Variants in BCL9 observed in about 807,000 individuals in gnomAD.
BCL9 encodes B-cell CLL/lymphoma 9 protein.
A neutral mutation model predicts 88.5 loss-of-function variants in BCL9; 25 were observed. The observed-to-expected ratio is 0.28, with a 90% CI of 0.21 to 0.39. BCL9 has a LOEUF of 0.39. Among genes scored for constraint, BCL9 ranks in the 10% least tolerant of loss-of-function variants. The pLI, the probability that BCL9 is intolerant of heterozygous loss-of-function variation, is 1.00. For missense variants in BCL9, 1,817 were observed against 1,877.8 expected (o/e 0.97, Z 0.60); for synonymous variants, 711 against 673.3 (o/e 1.06, Z -0.87).
At chr1:147,609,863 C>A (rs587675427) in intron 3 of BCL9, among the ~76,000 whole-genome samples, 1 of 152,292 alleles carries the variant, frequency 6.6e-6, no homozygotes, top group African/African-American at 2.4e-5. Flanking sequence ...AAACAAGGTT[C>A]TTGGCTTCTA....
chr1:147,608,620 G>A (rs1657849469), intron 3 of BCL9, among the ~76,000 whole-genome samples: 1 of 152,128 alleles, frequency 6.6e-6, no homozygotes, highest in Non-Finnish European at 1.5e-5. Context: ...ATTAAGTACT[G>A]GGCAAGTCCA....
At chr1:147,565,259 A>G (rs1489913735) in intron 1 of BCL9, among the ~76,000 whole-genome samples, 1 of 152,244 alleles carries the variant, frequency 6.6e-6, no homozygotes, top group African/African-American at 2.4e-5. Flanking sequence ...GAGAAAATGT[A>G]AGCTCAAAGA....
intron 1 of BCL9, chr1:147,600,070 G>A (rs1553201020): frequency 6.7e-6 from 1 of 150,096 alleles, no homozygotes; most frequent in Non-Finnish European, 1.5e-5. Flanking sequence ...TACCTTTCGT[G>A]GCGCGGTGCG....
At chr1:147,596,176 G>C (rs1343637093) in intron 1 of BCL9, among the ~76,000 whole-genome samples, 3 of 152,126 alleles carry the variant, frequency 2.0e-5, no homozygotes, top group Non-Finnish European at 4.4e-5. Flanking sequence ...GAGGAAAGGA[G>C]GTGGGAAAAT....
Position 147,619,010 on chromosome 1 carries a change from G to T in BCL9, c.855G>T (p.Leu285=), listed in dbSNP as rs782132445. ...DRESPGVENK[L]IPSVGSPASS... Reference sequence around the variant, plus strand: ...AGAGTCCTGGGGTAGAAAACAAACTGATTCCTTCTGTAGGAAGTCCTGCCA... The same window carrying T: ...AGAGTCCTGGGGTAGAAAACAAACTTATTCCTTCTGTAGGAAGTCCTGCCA... The change falls in exon 8 of 10, where the codon CTG becomes CTT. Residue 285 remains leucine, a synonymous_variant. Transcript: ENST00000234739. This position sits in a 1 kb window ranked among gnomAD's most constrained non-coding sequence, Gnocchi z 4.1. 2 of 1,610,184 alleles carry T rather than the reference G, an allele frequency of 1.2e-6. No homozygotes were observed. Among genetic ancestry groups the T allele is most frequent in the Non-Finnish European group, 1.7e-6 (2 of 1,177,958 alleles).
chr1:147,558,814 AATTG>A (rs1239954618), intron 1 of BCL9, among the ~76,000 whole-genome samples: 1 of 152,196 alleles, frequency 6.6e-6, no homozygotes, highest in Non-Finnish European at 1.5e-5. Context: ...AAGCATTCAA[AATTG>A]ATTGCGTGGC....
At chr1:147,569,269 C>A (rs1362003442) in intron 1 of BCL9, among the ~76,000 whole-genome samples, 2 of 151,804 alleles carry the variant, frequency 1.3e-5, no homozygotes, top group African/African-American at 4.8e-5. Context: ...GAAAAAGATT[C>A]TTTTTGGAGA....
chr1:147,553,380 C>G (rs1296469267), intron 1 of BCL9, among the ~76,000 whole-genome samples: 1 of 152,196 alleles, frequency 6.6e-6, no homozygotes, highest in Non-Finnish European at 1.5e-5. Flanking sequence ...TCTGCACGGT[C>G]TTTTTCAATT....
At chr1:147,554,293 A>G (rs587711338) in intron 1 of BCL9, among the ~76,000 whole-genome samples, 1 of 152,362 alleles carries the variant, frequency 6.6e-6, no homozygotes, top group African/African-American at 2.4e-5. Context: ...CCAGGGAAGA[A>G]CAACAGACAG....
At chr1:147,545,377 G>T (rs1203028753) in intron 1 of BCL9, among the ~76,000 whole-genome samples, 1 of 152,210 alleles carries the variant, frequency 6.6e-6, no homozygotes, top group Non-Finnish European at 1.5e-5. Flanking sequence ...CTCTTGGGGA[G>T]GCAGTCTGAG....
chr1:147,573,335 C>T (rs1655967000), intron 1 of BCL9, among the ~76,000 whole-genome samples: 1 of 152,160 alleles, frequency 6.6e-6, no homozygotes, highest in Non-Finnish European at 1.5e-5. Context: ...TGCCTGTAAT[C>T]CCAGCTACTC....
intron 6 of BCL9, 121 bp from the exon 7 acceptor site, chr1:147,615,681 TG>T: frequency 1.6e-6 from 1 of 606,824 alleles, no homozygotes. Flanking sequence ...TCAACATTTC[TG>T]GTGGTTCTTT....
chr1:147,620,625 C>T lies in BCL9; in HGVS notation c.2470C>T (p.Pro824Ser). The T allele has an allele frequency of 6.2e-7, 1 of 1,614,170 alleles. No homozygotes were observed. Among genetic ancestry groups the T allele is most frequent in the Non-Finnish European group, 8.5e-7 (1 of 1,180,030 alleles). ...TCATATGCCACCACTACCTCTCAAC[C>T]CTTCCAGTAACCCCACCAGCCTCAA... is the stretch of plus-strand genomic sequence containing the variant. Reference protein sequence around the residue: ...LSHMPPLPLNPSSNPTSLNTA... With the variant: ...LSHMPPLPLNSSSNPTSLNTA... The change falls in exon 8 of 10, where the codon CCT (proline) becomes TCT (serine). Residue 824 changes from proline (P) to serine (S), a missense_variant. This residue lies in a region of BCL9 where 1,228 missense variants were observed against 1,191.6 expected (regional missense o/e 1.03). Coordinates refer to ENST00000234739, the MANE Select transcript of BCL9 (RefSeq NM_004326.4).
chr1:147,620,843 G>C lies in BCL9; in HGVS notation c.2688G>C (p.Leu896=), dbSNP rs782296612. The C allele has an allele frequency of 7.4e-6, 12 of 1,614,148 alleles. No homozygotes were observed. The South Asian group carries it at 1.1e-4, about 15-fold the overall frequency. ...CTCCATCGCAGCTGGCAGGCATGCT[G>C]GCGGGCCCAGCTGCTGCTGCTTCCA... ...PQTPSQLAGM[L]AGPAAAASIK... The change falls in exon 8 of 10, where the codon CTG becomes CTC. Residue 896 remains leucine (L), a synonymous_variant. Transcript: ENST00000234739.
rs1454546931 is a variant in BCL9, at chr1:147,624,646, A to C, written c.3968A>C (p.Gln1323Pro). Residue 1323 changes from glutamine (Q) to proline (P), a missense_variant, in exon 10 of 10, where the codon CAA becomes CCA. Around this residue, in one of 2 missense-constraint regions of BCL9, gnomAD observed 589 missense variants for 686.2 expected, o/e 0.86. Coordinates refer to ENST00000234739, the MANE Select transcript of BCL9 (RefSeq NM_004326.4). This position sits in a 1 kb window ranked among gnomAD's most constrained non-coding sequence, Gnocchi z 4.4. ...CCCATGAGACCACCAGCCTTTCTCC[A>C]ACAAGGCATGATGGGACCTCACCAT... ...HNPMRPPAFL[Q>P]QGMMGPHHRM... The C allele has an allele frequency of 6.2e-7, 1 of 1,614,086 alleles. No homozygotes were observed. The highest frequency in any genetic ancestry group is 8.5e-7 in the Non-Finnish European group (1 of 1,180,034).
At chr1:147,603,228 A>G (rs1321215367) in intron 1 of BCL9, among the ~76,000 whole-genome samples, 2 of 152,196 alleles carry the variant, frequency 1.3e-5, no homozygotes, top group African/African-American at 2.4e-5. Flanking sequence ...TTTGTTTTAT[A>G]TTAGTTTTGA....
chr1:147,566,765 A>G (rs1016242552), intron 1 of BCL9, among the ~76,000 whole-genome samples: 6 of 794 alleles, frequency 7.6e-3, no homozygotes, highest in Non-Finnish European at 0.016. Context: ...TCAAAAAAAA[A>G]GAAAAAAAAA....
chr1:147,588,238 A>G (rs1656703500), intron 1 of BCL9, among the ~76,000 whole-genome samples: 1 of 152,094 alleles, frequency 6.6e-6, no homozygotes, highest in Non-Finnish European at 1.5e-5. Flanking sequence ...TTCTGCATCC[A>G]AGTTCTAGCC....
chr1:147,578,426 A>T (rs1430571840), intron 1 of BCL9, among the ~76,000 whole-genome samples: 1 of 152,224 alleles, frequency 6.6e-6, no homozygotes, highest in Non-Finnish European at 1.5e-5. Flanking sequence ...AATTACCTTG[A>T]TGCTATGTGT....
Sources: allele counts gnomAD v4.1 joint callset (sites outside exome capture counted in the v4.1 genomes callset), GRCh38; gene constraint gnomAD v4.1.1; regional missense constraint gnomAD v4.1.1; non-coding constraint Gnocchi (gnomAD v3.1); transcripts MANE v1.5; gene names NCBI Gene and HGNC (gene_info 2026-07-23, HGNC 2026-07-21).